The following TENT4A variants were observed in gnomAD, a reference collection of about 807,000 sequenced individuals.
TENT4A encodes terminal nucleotidyltransferase 4A, also known as DNA polymerase kappa.
TENT4A carries 7 observed loss-of-function variants against 72.8 expected under a neutral mutation model. The ratio of observed to expected loss-of-function variants is 0.10; its 90% CI spans 0.05 to 0.18. TENT4A has a LOEUF of 0.18. TENT4A is among the 10% of genes least tolerant of loss of function. The pLI is 1.00. For missense variants in TENT4A, 831 were observed against 1,017.7 expected, an observed-to-expected ratio of 0.82 and a Z score of 2.50; for synonymous variants, 456 against 434.3, an observed-to-expected ratio of 1.05 and a Z score of -0.62.
Position 6,714,424 on chromosome 5 carries a change from C to T in TENT4A, c.441C>T (p.Gly147=). The change falls in exon 1 of 13, where the codon GGC becomes GGT. Residue 147 remains glycine (G), a synonymous_variant. Transcript: ENST00000230859. ...GCCGGCCGGGCGGCGGCCGCGGCGG[C>T]GCCTTCTTCAACTTCGCCGACGGCG... ...SLGRPGGGRG[G]AFFNFADGAP... 1 of 1,160,400 alleles carries T rather than the reference C, an allele frequency of 8.6e-7. No individual in the cohort carries two copies. The highest frequency in any genetic ancestry group is 1.1e-6 in the Non-Finnish European group (1 of 942,456). The allele number at this position is 1,160,400 out of a possible 1,614,324, so 71.9% of individuals were successfully genotyped here.
rs993402303 is a variant in TENT4A at position 6,755,176 on chromosome 5, C to T, written c.*231C>T. 2.4e-6 allele frequency: 1 copy of T among 408,412 alleles called. No individual in the cohort carries two copies. The highest frequency in any genetic ancestry group is 3.7e-5 in the East Asian group (1 of 26,880). 25.3% of individuals were successfully genotyped at this position (408,412 alleles called of 1,614,324 possible). A position where few individuals can be genotyped will look rare whatever the true frequency, so the allele number is the denominator to read the frequency against. ...ACGTGGACGTTGTTTTCTGCCTTCC[C>T]AGGATTCTTCCTTCAGTGCTGAGGC... On this transcript the variant is annotated 3_prime_UTR_variant, in exon 13 of 13. Transcript: ENST00000230859.
rs1226299999 is a variant in TENT4A at position 6,748,694 on chromosome 5, G to GC, written c.1586+106dup. 5.6e-6 allele frequency: 7 copies of GC among 1,248,092 alleles called. No homozygotes were observed. In the Admixed American group the frequency reaches 1.3e-4, roughly 23 times the overall value. The allele number at this position is 1,248,092 out of a possible 1,614,324, so 77.3% of individuals were successfully genotyped here. A position where few individuals can be genotyped will look rare whatever the true frequency, so the allele number is the denominator to read the frequency against. On this transcript the variant is annotated intron_variant, in intron 8 of 12. Coordinates refer to ENST00000230859, the MANE Select transcript of TENT4A (RefSeq NM_006999.6). ...CATGAAATTTATGAAGGGATGTTCT[G>GC]CCGTATTTCAGTAGAATCTAGATAT...
intron 8 of TENT4A, among the ~76,000 whole-genome samples, chr5:6,748,894 C>T (rs949550280): frequency 4.6e-5 from 7 of 152,126 alleles, no homozygotes; most frequent in Non-Finnish European, 8.8e-5. Flanking sequence ...TATGTACACT[C>T]GTCCCTTGTT....
At chr5:6,753,075 A>G (rs1742503956) in intron 12 of TENT4A, 38 bp downstream of exon 12, 1 of 1,542,424 alleles carries the variant, frequency 6.5e-7, no homozygotes, top group Non-Finnish European at 8.8e-7. Context: ...TACCTGTTCA[A>G]GCTGCCATGT....
At chr5:6,731,284 T>C (rs1462266390) in intron 1 of TENT4A, among the ~76,000 whole-genome samples, 1 of 152,232 alleles carries the variant, frequency 6.6e-6, no homozygotes, top group Admixed American at 6.5e-5. Context: ...TTTCCAGTAT[T>C]TTCTGTCGCA....
chr5:6,738,550 C>T (rs1270461272), intron 2 of TENT4A, 133 bp from the exon 3 acceptor site: 21 of 722,442 alleles, frequency 2.9e-5, no homozygotes, highest in Admixed American at 6.2e-5. Context: ...TATACGGTCC[C>T]CTCCATCAGT....
intron 6 of TENT4A, among the ~76,000 whole-genome samples, chr5:6,744,339 C>T (rs992045560): frequency 3.9e-5 from 6 of 152,100 alleles, no homozygotes; most frequent in South Asian, 2.1e-4. Context: ...AGAAAACCTA[C>T]GTGTTTTAAA....
chr5:6,737,716 A>G, intron 2 of TENT4A, 83 bp downstream of exon 2: 2 of 1,450,232 alleles, frequency 1.4e-6, no homozygotes, highest in Non-Finnish European at 1.9e-6. Flanking sequence ...TGTCGGCTAG[A>G]TCCACACAGA....
chr5:6,744,922 T>G (rs954911432), intron 6 of TENT4A, among the ~76,000 whole-genome samples: 1 of 152,246 alleles, frequency 6.6e-6, no homozygotes, highest in African/African-American at 2.4e-5. Context: ...ATGTGCCATG[T>G]GCCAGGCCTG....
At position 6,714,038 on chromosome 5, in the gene TENT4A, C is replaced by A; in HGVS notation, c.55C>A (p.Leu19Met). Reference protein sequence around the residue: ...QPEQKGPANALWMQIWETSQG... With the variant: ...QPEQKGPANAMWMQIWETSQG... ...CGAGCAGAAGGGGCCGGCCAATGCC[C>A]TGTGGATGCAGATCTGGGAGACCTC... The change falls in exon 1 of 13, where the codon CTG (leucine) becomes ATG (methionine). Residue 19 changes from leucine to methionine, a missense_variant. Around this residue, in one of 3 missense-constraint regions of TENT4A, gnomAD observed 302 missense variants for 293.8 expected, o/e 1.03. Coordinates refer to ENST00000230859, the MANE Select transcript of TENT4A (RefSeq NM_006999.6). 1.0e-6 allele frequency: 1 copy of A among 990,214 alleles called. No homozygotes were observed. The allele number at this position is 990,214 out of a possible 1,614,324, so 61.3% of individuals were successfully genotyped here.
chr5:6,720,600 G>A (rs1453292385), intron 1 of TENT4A, among the ~76,000 whole-genome samples: 1 of 151,766 alleles, frequency 6.6e-6, no homozygotes, highest in Non-Finnish European at 1.5e-5. Context: ...CCTTTGAACT[G>A]GAGAGTTGGA....
In TENT4A at chr5:6,750,523, C is replaced by T. The variant is rs1488857984; in HGVS notation, c.1860+20C>T. ...GACGTTGTAAGTGCCCTCCCCTCCT[C>T]CGTGTGTCTGTTGGACAGTTTGTGT... On this transcript the variant is annotated intron_variant, in intron 10 of 12. Transcript: ENST00000230859. 3 of 1,560,998 alleles carry T rather than the reference C, an allele frequency of 1.9e-6. No homozygotes were observed. Among genetic ancestry groups the T allele is most frequent in the Non-Finnish European group, 2.6e-6 (3 of 1,152,328 alleles).
intron 1 of TENT4A, 42 bp downstream of exon 1, chr5:6,714,741 T>TGGTCCTAGCCGGCGCCCGC: frequency 2.0e-6 from 2 of 1,002,922 alleles, no homozygotes; most frequent in Non-Finnish European, 2.5e-6. Context: ...GCGGGGCCCA[T>TGGTCCTAGCCGGCGCCCGC]GGTCCTGGCC....
chr5:6,719,990 C>G (rs1486894390), intron 1 of TENT4A, among the ~76,000 whole-genome samples: 1 of 152,148 alleles, frequency 6.6e-6, no homozygotes, highest in Non-Finnish European at 1.5e-5. Flanking sequence ...CCAGCACATT[C>G]CTGTTATTGT....
At chr5:6,753,807 T>G (rs1742544363) in intron 12 of TENT4A, among the ~76,000 whole-genome samples, 1 of 152,244 alleles carries the variant, frequency 6.6e-6, no homozygotes, top group African/African-American at 2.4e-5. Flanking sequence ...GATGATTGTT[T>G]TTAGGAGTTA....
rs1741463226 is a variant in TENT4A at position 6,735,937 on chromosome 5, A to G, written c.717-1573A>G. Among the ~76,000 whole-genome samples, 4 of 151,854 alleles carry G rather than the reference A, an allele frequency of 2.6e-5. 1 individual carries two copies. The South Asian group carries it at 8.3e-4, about 32-fold the overall frequency. On this transcript the variant is annotated intron_variant, in intron 1 of 12. Coordinates refer to ENST00000230859, the MANE Select transcript of TENT4A (RefSeq NM_006999.6). Reference sequence around the variant, plus strand: ...CACCACGCCTGGCTAATTTTTTTCTATTTTTAGCAGAGATGGGGTTTCACC... The same window carrying G: ...CACCACGCCTGGCTAATTTTTTTCTGTTTTTAGCAGAGATGGGGTTTCACC...
chr5:6,751,444 G>C (rs374228524), intron 11 of TENT4A: 13 of 468,352 alleles, frequency 2.8e-5, no homozygotes, highest in Non-Finnish European at 3.0e-5. Context: ...GGGCCAGGTT[G>C]ACTGCCTTCC....
chr5:6,749,033 A>G (rs1459650623), intron 8 of TENT4A, among the ~76,000 whole-genome samples: 2 of 152,168 alleles, frequency 1.3e-5, no homozygotes, highest in East Asian at 3.9e-4. Context: ...ATGGGAAGGA[A>G]GAGTAACGTG....
chr5:6,735,203 A>G (rs1488979705), intron 1 of TENT4A, among the ~76,000 whole-genome samples: 1 of 152,240 alleles, frequency 6.6e-6, no homozygotes, highest in Non-Finnish European at 1.5e-5. Context: ...GCATTCTTCC[A>G]TGACTTTGGG....
Sources: gnomAD v4.1 joint callset for allele counts (sites outside exome capture counted in the v4.1 genomes callset) on GRCh38, gnomAD v4.1.1 for gene constraint, gnomAD v4.1.1 regional missense constraint, MANE v1.5 for transcripts, NCBI Gene and HGNC (gene_info 2026-07-23, HGNC 2026-07-21) for gene names.